The following ATP11A variants were observed in gnomAD, a reference collection of about 807,000 sequenced individuals.
The protein encoded by ATP11A is phospholipid-transporting ATPase IH.
In ATP11A, 81 loss-of-function variants were observed where a neutral mutation model predicts 154.4. The ratio of observed to expected loss-of-function variants is 0.52; its 90% confidence interval spans 0.44 to 0.63. ATP11A has a LOEUF of 0.63. ATP11A is among the 30% of genes least tolerant of loss of function. The probability of loss-of-function intolerance (pLI) is 0.00; values close to 1 mark genes in which losing one functional copy is unlikely to be tolerated. For missense variants in ATP11A, 1,316 were observed against 1,474.3 expected (o/e 0.89, Z 1.76); for synonymous variants, 623 against 585.9 (o/e 1.06, Z -0.91).
At position 112,854,465 on chromosome 13, in the gene ATP11A, C is replaced by G. The variant is rs2079864197; in HGVS notation, c.2178C>G (p.Val726=). Residue 726 remains valine (V), a synonymous_variant, in exon 19 of 30, where the codon GTC becomes GTG. Coordinates refer to ENST00000375645, the MANE Select transcript of ATP11A (RefSeq NM_015205.3). ...KRIEEQSLHD[V]LFELSKTVLR... ...TCGAGGAGCAGAGCCTGCACGACGT[C>G]CTGTTCGAGCTGAGCAAGACGGTCC... 4 of 1,612,814 alleles carry G rather than the reference C, an allele frequency of 2.5e-6. No individual in the cohort carries two copies. Among genetic ancestry groups the G allele is most frequent in the Non-Finnish European group, 3.4e-6 (4 of 1,180,008 alleles).
At chr13:112,840,528 A>T (rs1433711196) in intron 16 of ATP11A, among the ~76,000 whole-genome samples, 2 of 69,472 alleles carry the variant, frequency 2.9e-5, no homozygotes, top group African/African-American at 5.7e-5. Context: ...ATCCCCCCCC[A>T]GCCTCAGCCT....
chr13:112,802,262 C>T (rs1271562271), intron 2 of ATP11A, among the ~76,000 whole-genome samples: 10 of 152,066 alleles, frequency 6.6e-5, no homozygotes, highest in Non-Finnish European at 1.3e-4. Flanking sequence ...AGGAGAATGG[C>T]GCGAACCCAG....
chr13:112,859,491 T>C lies in ATP11A; in HGVS notation c.2727+39T>C. 1 of 1,554,796 alleles carries C rather than the reference T, an allele frequency of 6.4e-7. No homozygotes were observed. Among genetic ancestry groups the C allele is most frequent in the Non-Finnish European group, 8.9e-7 (1 of 1,126,292 alleles). ...TCTTCAGGGACAGGCTGTCTGAGCC[T>C]TCTTTTCCTTCCCGCAGTGGGTGGC... On this transcript the variant is annotated intron_variant, in intron 23 of 29. Coordinates refer to ENST00000375645, the MANE Select transcript of ATP11A (RefSeq NM_015205.3). The surrounding 1 kb of genome is among the most constrained non-coding windows in gnomAD (Gnocchi z 4.3).
chr13:112,848,651 A>G (rs2079675161), intron 17 of ATP11A, among the ~76,000 whole-genome samples: 1 of 152,232 alleles, frequency 6.6e-6, no homozygotes, highest in Non-Finnish European at 1.5e-5. Context: ...AAAAGCTTTC[A>G]GTCCTTCACC....
intron 1 of ATP11A, among the ~76,000 whole-genome samples, chr13:112,710,087 G>C (rs1345575272): frequency 3.3e-5 from 5 of 152,210 alleles, no homozygotes; most frequent in African/African-American, 4.8e-5. Context: ...TGACACCCGG[G>C]TGTCAGGCGG....
intron 2 of ATP11A, among the ~76,000 whole-genome samples, chr13:112,788,811 C>A (rs1477180105): frequency 6.6e-6 from 1 of 150,874 alleles, no homozygotes; most frequent in African/African-American, 2.4e-5. Flanking sequence ...ACTTAATTCA[C>A]ACCCAGCATC....
chr13:112,876,057 T>C lies in ATP11A; in HGVS notation c.3327+116T>C, dbSNP rs968964352. The C allele has an allele frequency of 4.0e-6, 5 of 1,238,538 alleles. No individual in the cohort carries two copies. In the African/African-American group the frequency reaches 7.5e-5, roughly 19 times the overall value. The allele number at this position is 1,238,538 out of a possible 1,614,324, so 76.7% of individuals were successfully genotyped here. A position where few individuals can be genotyped will look rare whatever the true frequency, so the allele number is the denominator to read the frequency against. Reference sequence around the variant, plus strand: ...TTGGATTTCATGAAACGTGATCAGTTCAGGTATCACTAATGAGTGTCCTGA... The same window carrying C: ...TTGGATTTCATGAAACGTGATCAGTCCAGGTATCACTAATGAGTGTCCTGA... On this transcript the variant is annotated intron_variant, in intron 28 of 29. Transcript: ENST00000375645.
At position 112,810,736 on chromosome 13, in the gene ATP11A, A is replaced by G. The variant is rs1327542351; in HGVS notation, c.441+10A>G. 2 of 1,612,268 alleles carry G rather than the reference A, an allele frequency of 1.2e-6. No homozygotes were observed. The highest frequency in any genetic ancestry group is 1.7e-6 in the Non-Finnish European group (2 of 1,178,462). ...AAGTCGAAAGCTGCGAGTAAGTGACACCCGACACATTTACGCTGGTGAAGT... is the reference window on the plus strand; with the variant it reads ...AAGTCGAAAGCTGCGAGTAAGTGACGCCCGACACATTTACGCTGGTGAAGT... On this transcript the variant is annotated intron_variant, in intron 5 of 29. Transcript: ENST00000375645.
chr13:112,876,292 G>A (rs1057456029), intron 28 of ATP11A, among the ~76,000 whole-genome samples: 2 of 152,120 alleles, frequency 1.3e-5, no homozygotes, highest in African/African-American at 4.8e-5. Context: ...GGTAAATCTG[G>A]CTGGAAACGG....
In ATP11A at chr13:112,693,595, A is replaced by G. The variant is rs578150512; in HGVS notation, c.39+3140A>G. Among the ~76,000 whole-genome samples, 38 of 152,006 alleles carry G rather than the reference A, an allele frequency of 2.5e-4. 1 individual carries two copies. The highest frequency in any genetic ancestry group is 8.9e-4 in the African/African-American group (37 of 41,422). ...AGTAGTGTATGTGCTATGGGGTAGC[A>G]TATGAGCCATGGGGTAGTGCATGTG... On this transcript the variant is annotated intron_variant, in intron 1 of 29. Transcript: ENST00000375645.
At chr13:112,758,290 G>C (rs1429788772) in intron 1 of ATP11A, among the ~76,000 whole-genome samples, 1 of 152,026 alleles carries the variant, frequency 6.6e-6, no homozygotes, top group East Asian at 1.9e-4. Context: ...TCGAACTCCT[G>C]ACCTCAGGTG....
intron 16 of ATP11A, among the ~76,000 whole-genome samples, chr13:112,840,664 G>A (rs1004479881): frequency 1.1e-4 from 16 of 151,854 alleles, no homozygotes; most frequent in African/African-American, 3.9e-4. Context: ...CTCTCTGGCT[G>A]CAGGTTGGCA....
chr13:112,732,313 T>C (rs1033835194), intron 1 of ATP11A, among the ~76,000 whole-genome samples: 1 of 152,180 alleles, frequency 6.6e-6, no homozygotes, highest in Non-Finnish European at 1.5e-5. Flanking sequence ...TGTAAGAATA[T>C]ATACAAAAAC....
chr13:112,704,024 T>G (rs1886873968), intron 1 of ATP11A, among the ~76,000 whole-genome samples: 1 of 152,112 alleles, frequency 6.6e-6, no homozygotes, highest in African/African-American at 2.4e-5. Flanking sequence ...GTTGACAAAA[T>G]TGGACCGTGC....
intron 1 of ATP11A, among the ~76,000 whole-genome samples, chr13:112,743,400 T>C (rs139758104): frequency 7.5e-6 from 1 of 132,638 alleles, no homozygotes; most frequent in African/African-American, 3.5e-5. Context: ...AGGTGTTGTA[T>C]GTTCCTGCAG....
At chr13:112,780,899 T>C (rs532349422) in intron 1 of ATP11A, among the ~76,000 whole-genome samples, 1 of 152,294 alleles carries the variant, frequency 6.6e-6, no homozygotes, top group South Asian at 2.1e-4. Flanking sequence ...GGCTGAGCTG[T>C]GTGGCTGATC....
At chr13:112,780,744 A>T (rs924411242) in intron 1 of ATP11A, among the ~76,000 whole-genome samples, 1 of 152,128 alleles carries the variant, frequency 6.6e-6, no homozygotes, top group African/African-American at 2.4e-5. Context: ...GGCTTTCTCG[A>T]TGCAGTTTGG....
intron 1 of ATP11A, among the ~76,000 whole-genome samples, chr13:112,714,152 C>G (rs548034683): frequency 1.9e-4 from 29 of 150,346 alleles, no homozygotes; most frequent in African/African-American, 6.9e-4. Context: ...TCCTCCCACC[C>G]GGCTTCCTTT....
chr13:112,866,544 A>G, intron 25 of ATP11A, among the ~76,000 whole-genome samples: 1 of 151,582 alleles, frequency 6.6e-6, no homozygotes, highest in East Asian at 1.9e-4. Flanking sequence ...GGTAGATGTC[A>G]GAGACCATCC....
Sources: allele counts gnomAD v4.1 joint callset (sites outside exome capture counted in the v4.1 genomes callset), GRCh38; gene constraint gnomAD v4.1.1; non-coding constraint Gnocchi (gnomAD v3.1); transcripts MANE v1.5; gene names NCBI Gene and HGNC (gene_info 2026-07-23, HGNC 2026-07-21).